Variants in TP63 observed in about 807,000 individuals in gnomAD.
TP63 encodes tumor protein p63.
TP63 carries 17 observed loss-of-function variants against 82.8 expected under a neutral mutation model. That is an observed-to-expected ratio of 0.21 (90% CI 0.14 to 0.31). TP63 has a LOEUF of 0.31. TP63 is among the 10% of genes least tolerant of loss of function. The pLI is 1.00. For missense variants in TP63, 648 were observed against 895.3 expected, an observed-to-expected ratio of 0.72 and a Z score of 3.52; for synonymous variants, 330 against 321.7, an observed-to-expected ratio of 1.03 and a Z score of -0.28.
intron 1 of TP63, among the ~76,000 whole-genome samples, chr3:189,689,406 A>G (rs921603833): frequency 1.3e-5 from 2 of 151,904 alleles, no homozygotes; most frequent in Non-Finnish European, 2.9e-5. Flanking sequence ...GTGAGCCACC[A>G]TGCCCAGCCC....
Position 189,862,532 on chromosome 3 carries a change from G to A in TP63, c.580-1700G>A, listed in dbSNP as rs559001054. On this transcript the variant is annotated intron_variant, in intron 4 of 13. Coordinates refer to ENST00000264731, the MANE Select transcript of TP63 (RefSeq NM_003722.5). ...TCATTTCTGCAATCTTTACATACTT[G>A]GAAGGATACCTTATTTGCCTTTAGG... Among the ~76,000 whole-genome samples, 11 of 152,144 alleles carry A rather than the reference G, an allele frequency of 7.2e-5. No homozygotes were observed. In the East Asian group the frequency reaches 2.1e-3, roughly 29 times the overall value.
At chr3:189,663,998 A>G in intron 1 of TP63, among the ~76,000 whole-genome samples, 1 of 152,180 alleles carries the variant, frequency 6.6e-6, no homozygotes, top group Non-Finnish European at 1.5e-5. Context: ...GCTTTAGCGT[A>G]ATTAACTTCC....
intron 1 of TP63, among the ~76,000 whole-genome samples, chr3:189,726,741 G>A (rs1053984954): frequency 6.6e-6 from 1 of 152,120 alleles, no homozygotes; most frequent in Non-Finnish European, 1.5e-5. Flanking sequence ...ACAAATATTA[G>A]CCCAGTGATC....
At chr3:189,682,520 G>A (rs1716007680) in intron 1 of TP63, among the ~76,000 whole-genome samples, 1 of 127,244 alleles carries the variant, frequency 7.9e-6, no homozygotes, top group African/African-American at 3.0e-5. Flanking sequence ...TCATTCCTGG[G>A]ACTTGGTCCT....
chr3:189,609,180 C>A, the TP63 span, among the ~76,000 whole-genome samples: 1 of 152,056 alleles, frequency 6.6e-6, no homozygotes, highest in Non-Finnish European at 1.5e-5. Flanking sequence ...CTCTTTGAAT[C>A]TCCTTTTAGA....
intron 9 of TP63, among the ~76,000 whole-genome samples, chr3:189,870,337 CCAAT>C (rs1560282706): frequency 6.6e-6 from 1 of 152,094 alleles, no homozygotes. Flanking sequence ...AAAAAATACA[CCAAT>C]CAAAATAATA....
At chr3:189,835,547 G>C (rs6444400) in intron 4 of TP63, among the ~76,000 whole-genome samples, 1 of 152,118 alleles carries the variant, frequency 6.6e-6, no homozygotes, top group Non-Finnish European at 1.5e-5. Context: ...TCTTACCGAA[G>C]GCTCAGTTCC....
chr3:189,687,730 T>A (rs539709691), intron 1 of TP63, among the ~76,000 whole-genome samples: 1 of 152,208 alleles, frequency 6.6e-6, no homozygotes, highest in Non-Finnish European at 1.5e-5. Flanking sequence ...TAATGTACAA[T>A]GGTAGAGGAA....
At chr3:189,771,072 C>A (rs1427891518) in intron 3 of TP63, among the ~76,000 whole-genome samples, 1 of 151,446 alleles carries the variant, frequency 6.6e-6, no homozygotes, top group Non-Finnish European at 1.5e-5. Flanking sequence ...TTATGAAAAG[C>A]CACTTAACTT....
chr3:189,682,552 AAAT>A (rs1398504965), intron 1 of TP63, among the ~76,000 whole-genome samples: 3 of 24,040 alleles, frequency 1.2e-4, no homozygotes, highest in African/African-American at 6.8e-4. Context: ...AAAAAAAAAA[AAAT>A]ATATATATAT....
intron 11 of TP63, 123 bp downstream of exon 11, chr3:189,886,674 A>G: frequency 7.1e-7 from 1 of 1,398,826 alleles, no homozygotes; most frequent in Non-Finnish European, 9.8e-7. Flanking sequence ...ATCAGATCAA[A>G]GTGGAGTGGC....
chr3:189,889,274 G>A, intron 11 of TP63, 66 bp from the exon 12 acceptor site: 1 of 1,612,234 alleles, frequency 6.2e-7, no homozygotes, highest in Non-Finnish European at 8.5e-7. Context: ...CAGACAAGAT[G>A]GACCACTGGG....
intron 3 of TP63, among the ~76,000 whole-genome samples, chr3:189,786,801 C>T (rs368918638): frequency 2.0e-4 from 31 of 152,146 alleles, no homozygotes; most frequent in African/African-American, 7.5e-4. Flanking sequence ...ACGTAAAATC[C>T]TTGCATTTCT....
intron 10 of TP63, chr3:189,880,186 T>C: frequency 1.9e-6 from 3 of 1,611,248 alleles, no homozygotes; most frequent in Non-Finnish European, 1.7e-6. Flanking sequence ...TAGAGCCCTA[T>C]CTCTATATTT....
At chr3:189,658,386 G>A (rs10937401) in intron 1 of TP63, among the ~76,000 whole-genome samples, 66,719 of 151,626 alleles carry the variant, frequency 0.44, 16,061 homozygotes, top group Middle Eastern at 0.69. Context: ...CCTTAAGTAC[G>A]GGCTGCATGT....
chr3:189,826,830 C>T (rs539068309), intron 4 of TP63, among the ~76,000 whole-genome samples: 73 of 152,254 alleles, frequency 4.8e-4, no homozygotes, highest in Non-Finnish European at 7.5e-4. Context: ...TTGAAGGCCC[C>T]ATACTATGAG....
chr3:189,855,728 G>A (rs1716211364), intron 4 of TP63, among the ~76,000 whole-genome samples: 1 of 148,654 alleles, frequency 6.7e-6, no homozygotes, highest in African/African-American at 2.6e-5. Context: ...GTATGTATGT[G>A]TGTGTGTATG....
intron 1 of TP63, among the ~76,000 whole-genome samples, chr3:189,669,528 A>G (rs1714711748): frequency 6.6e-6 from 1 of 152,084 alleles, no homozygotes; most frequent in South Asian, 2.1e-4. Context: ...AACTGTTTGT[A>G]TGAAGTAAAA....
At chr3:189,794,613 C>A (rs544491315) in intron 3 of TP63, among the ~76,000 whole-genome samples, 1 of 151,994 alleles carries the variant, frequency 6.6e-6, no homozygotes, top group Admixed American at 6.6e-5. Context: ...ATGAGACGAT[C>A]AGGAAATAAA....
Sources: allele counts gnomAD v4.1 joint callset (sites outside exome capture counted in the v4.1 genomes callset), GRCh38; gene constraint gnomAD v4.1.1; transcripts MANE v1.5; gene names NCBI Gene and HGNC (gene_info 2026-07-23, HGNC 2026-07-21).